Variants in DCAF6 observed in about 807,000 individuals in gnomAD.
DCAF6 encodes the protein DDB1- and CUL4-associated factor 6.
DCAF6 carries 54 observed loss-of-function variants against 125.1 expected under a neutral mutation model. The observed-to-expected ratio is 0.43, with a 90% CI of 0.35 to 0.54. The LOEUF is 0.54. Among genes scored for constraint, DCAF6 ranks in the 20% least tolerant of loss-of-function variants. DCAF6 has a pLI of 0.01. For missense variants in DCAF6, 934 were observed against 1,161.7 expected (o/e 0.80, Z 2.85); for synonymous variants, 371 against 390.4 (o/e 0.95, Z 0.58).
At chr1:168,024,804 CAAA>C (rs76178208) in intron 12 of DCAF6, among the ~76,000 whole-genome samples, 13 of 74,896 alleles carry the variant, frequency 1.7e-4, no homozygotes, top group Non-Finnish European at 1.8e-4. Context: ...ACTCTGTATC[CAAA>C]AAAAAAAAAA....
chr1:167,940,273 A>G (rs1672028696), intron 1 of DCAF6, among the ~76,000 whole-genome samples: 1 of 152,236 alleles, frequency 6.6e-6, no homozygotes, highest in South Asian at 2.1e-4. Context: ...CACCTGGGCC[A>G]ACAGAGTGTT....
chr1:167,910,986 C>A, the DCAF6 span, among the ~76,000 whole-genome samples: 1 of 152,206 alleles, frequency 6.6e-6, no homozygotes, highest in Non-Finnish European at 1.5e-5. Flanking sequence ...CCCCTTCAAT[C>A]TTGGCAATAC....
chr1:167,918,048 G>C, the DCAF6 span: 1 of 292,484 alleles, frequency 3.4e-6, no homozygotes, highest in Non-Finnish European at 6.3e-6. Flanking sequence ...TGGCTGACTG[G>C]AACAGAAGGA....
In DCAF6 at chr1:167,980,181, GAAAT is replaced by G. The variant is rs754719139; in HGVS notation, c.438+5181_438+5184del. ...GGCGACAGAGTGAGACTCCATCTCA[GAAAT>G]AAATAAATAAATAAGTAAATAAATA... On this transcript the variant is annotated intron_variant, in intron 4 of 21. Coordinates refer to ENST00000367840, the MANE Select transcript of DCAF6 (RefSeq NM_001198956.2). Among the ~76,000 whole-genome samples, 47 of 152,084 alleles carry G rather than the reference GAAAT, an allele frequency of 3.1e-4. 1 individual carries two copies. Among genetic ancestry groups the G allele is most frequent in the African/African-American group, 9.9e-4 (41 of 41,418 alleles).
At chr1:167,926,532 A>T in the DCAF6 span, among the ~76,000 whole-genome samples, 1 of 152,368 alleles carries the variant, frequency 6.6e-6, no homozygotes, top group Non-Finnish European at 1.5e-5. Context: ...ATTTAACTAA[A>T]TATTAGCCAA....
At chr1:167,891,528 C>A in the DCAF6 span, among the ~76,000 whole-genome samples, 4 of 151,500 alleles carry the variant, frequency 2.6e-5, no homozygotes, top group African/African-American at 9.7e-5. Context: ...TGGTGGCGGG[C>A]GCCTGTAGTC....
chr1:167,962,443 G>A (rs1051514830), intron 2 of DCAF6, among the ~76,000 whole-genome samples: 2 of 152,066 alleles, frequency 1.3e-5, no homozygotes, highest in Admixed American at 1.3e-4. Context: ...TTATCGTTAT[G>A]AAATACCCTT....
chr1:168,042,735 C>T (rs113097116), intron 13 of DCAF6: 9 of 218,034 alleles, frequency 4.1e-5, no homozygotes, highest in Admixed American at 2.1e-4. Context: ...ATGTAGTTCA[C>T]TTAAAATTCA....
In DCAF6 at chr1:168,044,600, C is replaced by T. The variant is rs371517707; in HGVS notation, c.1859C>T (p.Ser620Leu). The T allele has an allele frequency of 1.8e-5, 29 of 1,612,198 alleles. No individual in the cohort carries two copies. Among genetic ancestry groups the T allele is most frequent in the Non-Finnish European group, 2.5e-5 (29 of 1,178,552 alleles). ...GDSETKAPEE[S>L]SEDVTKYQEG... Reference sequence around the variant, plus strand: ...TTACTTACAGAAGCTCCTGAAGAATCATCAGAGGATGTGACAAAATATCAG... The same window carrying T: ...TTACTTACAGAAGCTCCTGAAGAATTATCAGAGGATGTGACAAAATATCAG... The change falls in exon 15 of 22, where the codon TCA (serine) becomes TTA (leucine). Residue 620 changes from serine to leucine, a missense_variant. Ser to Leu is a moderately radical substitution (Grantham distance 145). Transcript: ENST00000367840.
At chr1:167,942,442 T>G (rs1672398371) in intron 1 of DCAF6, among the ~76,000 whole-genome samples, 1 of 152,226 alleles carries the variant, frequency 6.6e-6, no homozygotes, top group Non-Finnish European at 1.5e-5. Flanking sequence ...TATAGTCTGG[T>G]TAAATGTTCA....
the DCAF6 span, among the ~76,000 whole-genome samples, chr1:167,908,504 A>T: frequency 6.6e-6 from 1 of 152,196 alleles, no homozygotes; most frequent in Non-Finnish European, 1.5e-5. Context: ...GAATACAGTT[A>T]ATAAAGTATT....
intron 21 of DCAF6, among the ~76,000 whole-genome samples, chr1:168,073,428 G>T (rs1426492526): frequency 6.6e-6 from 1 of 152,162 alleles, no homozygotes; most frequent in African/African-American, 2.4e-5. Context: ...AATTGAATTT[G>T]AGGAGAGAAC....
At chr1:167,922,612 C>T in the DCAF6 span, among the ~76,000 whole-genome samples, 1 of 152,008 alleles carries the variant, frequency 6.6e-6, no homozygotes, top group East Asian at 1.9e-4. Flanking sequence ...AAAAAACCTG[C>T]TCCCTAGATC....
At chr1:167,941,314 A>G (rs186125343) in intron 1 of DCAF6, among the ~76,000 whole-genome samples, 17 of 152,308 alleles carry the variant, frequency 1.1e-4, no homozygotes, top group Non-Finnish European at 1.8e-4. Context: ...ACAACCATAG[A>G]CACTATGATA....
At chr1:167,984,823 T>G (rs893854678) in intron 4 of DCAF6, among the ~76,000 whole-genome samples, 2 of 152,196 alleles carry the variant, frequency 1.3e-5, no homozygotes, top group African/African-American at 4.8e-5. Flanking sequence ...TGAAGTTTGG[T>G]AAATTAAAAA....
At chr1:168,051,705 T>C (rs1689960946) in intron 17 of DCAF6, among the ~76,000 whole-genome samples, 2 of 152,138 alleles carry the variant, frequency 1.3e-5, no homozygotes, top group South Asian at 4.1e-4. Context: ...AAAAATATAA[T>C]AGATGTATGG....
intron 11 of DCAF6, among the ~76,000 whole-genome samples, chr1:168,018,763 A>G (rs1685298836): frequency 6.6e-6 from 1 of 152,224 alleles, no homozygotes; most frequent in Non-Finnish European, 1.5e-5. Flanking sequence ...GCAGGAACTC[A>G]TAAAATCCTT....
chr1:167,977,770 A>T (rs896857142), intron 4 of DCAF6, among the ~76,000 whole-genome samples: 3 of 152,162 alleles, frequency 2.0e-5, no homozygotes, highest in African/African-American at 7.2e-5. Context: ...TCCACTATTT[A>T]AAAATTTTAA....
At chr1:167,935,726 C>T (rs1030949231), upstream of DCAF6, 9 of 1,555,770 alleles carry the variant, frequency 5.8e-6, no homozygotes, top group African/African-American at 4.1e-5. Context: ...CATTCAGGGT[C>T]CATTACCTGC....
Sources: gnomAD v4.1 joint callset for allele counts (sites outside exome capture counted in the v4.1 genomes callset) on GRCh38, gnomAD v4.1.1 for gene constraint, MANE v1.5 for transcripts, NCBI Gene and HGNC (gene_info 2026-07-23, HGNC 2026-07-21) for gene names.